The following PIP4K2A variants were observed in gnomAD, a reference collection of about 807,000 sequenced individuals.
PIP4K2A encodes phosphatidylinositol 5-phosphate 4-kinase type-2 alpha.
A neutral mutation model predicts 42.9 loss-of-function variants in PIP4K2A; 14 were observed. That is an observed-to-expected ratio of 0.33 (90% CI 0.22 to 0.51). The LOEUF is 0.51. Ranked by LOEUF, PIP4K2A falls within the 20% of genes least tolerant of loss-of-function variation. PIP4K2A has a pLI of 0.97. For synonymous variants in PIP4K2A, 192 were observed against 192.2 expected, an observed-to-expected ratio of 1.00 and a Z score of 0.01; for missense variants, 434 against 519.8, an observed-to-expected ratio of 0.83 and a Z score of 1.61.
chr10:22,638,055 C>A (rs895668345), intron 1 of PIP4K2A, among the ~76,000 whole-genome samples: 3 of 152,198 alleles, frequency 2.0e-5, no homozygotes, highest in Non-Finnish European at 4.4e-5. Flanking sequence ...TCCTCCTGAA[C>A]AGTCCCCCAG....
At chr10:22,572,397 C>T (rs1564425842) in intron 5 of PIP4K2A, among the ~76,000 whole-genome samples, 1 of 152,176 alleles carries the variant, frequency 6.6e-6, no homozygotes, top group Non-Finnish European at 1.5e-5. Context: ...GGGTGGATTG[C>T]TTGAGCTCAG....
intron 1 of PIP4K2A, among the ~76,000 whole-genome samples, chr10:22,668,427 G>T (rs7904609): frequency 0.018 from 2,806 of 151,968 alleles, 95 homozygotes; most frequent in African/African-American, 0.064. Context: ...TGTTTTTTTT[G>T]TTTGTTTGTT....
At chr10:22,630,879 C>G (rs1374760784) in intron 1 of PIP4K2A, among the ~76,000 whole-genome samples, 2 of 152,172 alleles carry the variant, frequency 1.3e-5, no homozygotes, top group African/African-American at 4.8e-5. Flanking sequence ...ATCATCCACC[C>G]AATTAAGCCA....
chr10:22,565,868 C>T (rs537503957), intron 6 of PIP4K2A, among the ~76,000 whole-genome samples: 8 of 151,970 alleles, frequency 5.3e-5, no homozygotes, highest in African/African-American at 1.7e-4. Flanking sequence ...CTCTTATGGT[C>T]GAAACTGCGG....
intron 1 of PIP4K2A, among the ~76,000 whole-genome samples, chr10:22,615,695 A>T (rs2130725791): frequency 6.6e-6 from 1 of 152,330 alleles, no homozygotes; most frequent in Middle Eastern, 3.4e-3. Flanking sequence ...GGCCACCTTT[A>T]AGGTTCCTTC....
intron 4 of PIP4K2A, among the ~76,000 whole-genome samples, chr10:22,586,033 A>G (rs1183737487): frequency 6.6e-6 from 1 of 152,210 alleles, no homozygotes; most frequent in Non-Finnish European, 1.5e-5. Flanking sequence ...GTTTTTTACC[A>G]TTTTTTCCTT....
At chr10:22,714,134 G>A (rs1470523478) in intron 1 of PIP4K2A, 49 bp downstream of exon 1, 2 of 1,545,886 alleles carry the variant, frequency 1.3e-6, no homozygotes, top group Middle Eastern at 1.7e-4. Context: ...GGAACGAGGA[G>A]GAAGAGGAGG....
At chr10:22,569,194 AGGCTGGGG>A in intron 5 of PIP4K2A, 1 of 670,012 alleles carries the variant, frequency 1.5e-6, no homozygotes, top group South Asian at 1.8e-5. Context: ...AGCCAAGACC[AGGCTGGGG>A]GGGTCTCCCC....
chr10:22,671,745 T>TACACACACACACACACACACACACACAC (rs143696456), intron 1 of PIP4K2A, among the ~76,000 whole-genome samples: 2 of 144,672 alleles, frequency 1.4e-5, no homozygotes, highest in African/African-American at 5.0e-5. Context: ...ACTTGGAAAA[T>TACACACACACACACACACACACACACAC]ACACACACAC....
intron 1 of PIP4K2A, among the ~76,000 whole-genome samples, chr10:22,704,084 A>G (rs1440494368): frequency 6.6e-6 from 1 of 152,164 alleles, no homozygotes; most frequent in Admixed American, 6.5e-5. Context: ...GCCCAAGAGG[A>G]AAGTTAGAGC....
intron 1 of PIP4K2A, chr10:22,694,555 A>G (rs769618295): frequency 2.0e-5 from 3 of 152,256 alleles, no homozygotes; most frequent in African/African-American, 7.2e-5. Context: ...TTACATAAAT[A>G]CAATTTGCTC....
intron 5 of PIP4K2A, among the ~76,000 whole-genome samples, chr10:22,571,277 T>TC (rs1836981643): frequency 6.6e-6 from 1 of 152,174 alleles, no homozygotes; most frequent in Non-Finnish European, 1.5e-5. Context: ...GCTGCTAGGC[T>TC]CCCCTGTATG....
intron 4 of PIP4K2A, among the ~76,000 whole-genome samples, chr10:22,579,234 A>G (rs1198810793): frequency 6.6e-6 from 1 of 152,170 alleles, no homozygotes; most frequent in Non-Finnish European, 1.5e-5. Context: ...CTATTACCGC[A>G]CGTGTAAACT....
chr10:22,654,613 G>T (rs1839060035), intron 1 of PIP4K2A, among the ~76,000 whole-genome samples: 1 of 152,150 alleles, frequency 6.6e-6, no homozygotes, highest in Non-Finnish European at 1.5e-5. Context: ...GAGTTTTAAA[G>T]TGATTCAGGG....
At chr10:22,665,033 A>T (rs1564460672) in intron 1 of PIP4K2A, among the ~76,000 whole-genome samples, 1 of 152,222 alleles carries the variant, frequency 6.6e-6, no homozygotes, top group East Asian at 1.9e-4. Flanking sequence ...TACCCAAGAT[A>T]ACCACAATAT....
intron 1 of PIP4K2A, among the ~76,000 whole-genome samples, chr10:22,663,242 A>G (rs1839241917): frequency 6.6e-6 from 1 of 152,244 alleles, no homozygotes; most frequent in Non-Finnish European, 1.5e-5. Flanking sequence ...TGACTGTAAC[A>G]TAGGAAGAGG....
chr10:22,614,336 T>C (rs1838124207), intron 1 of PIP4K2A, among the ~76,000 whole-genome samples: 1 of 152,242 alleles, frequency 6.6e-6, no homozygotes, highest in Non-Finnish European at 1.5e-5. Flanking sequence ...ACCTCTCATT[T>C]TGCAGATTGT....
Position 22,536,940 on chromosome 10 carries a change from C to T in PIP4K2A, c.*261G>A. On this transcript the variant is annotated 3_prime_UTR_variant, in exon 10 of 10. Coordinates refer to ENST00000376573, the MANE Select transcript of PIP4K2A (RefSeq NM_005028.5). ...ATTAATTTATGACTTTTAAAATGCA[C>T]ACGCGCGCACACACTCACCCCCCCC... 3 of 369,330 alleles carry T rather than the reference C, an allele frequency of 8.1e-6. No individual in the cohort carries two copies. Among genetic ancestry groups the T allele is most frequent in the Non-Finnish European group, 1.3e-5 (3 of 222,328 alleles). The allele number at this position is 369,330 out of a possible 1,614,324, so 22.9% of individuals were successfully genotyped here.
chr10:22,646,919 GACAAAACAAAACAAAAAACAAA>G (rs67639161), intron 1 of PIP4K2A, among the ~76,000 whole-genome samples: 40,347 of 150,944 alleles, frequency 0.27, 5,676 homozygotes, highest in Non-Finnish European at 0.31. Flanking sequence ...AACTCTTCAA[GACAAAACAAAACAAAAAACAAA>G]ACAAAACAAA....
Sources: gnomAD v4.1 joint callset for allele counts (sites outside exome capture counted in the v4.1 genomes callset) on GRCh38, gnomAD v4.1.1 for gene constraint, MANE v1.5 for transcripts, NCBI Gene and HGNC (gene_info 2026-07-23, HGNC 2026-07-21) for gene names.